The following ZRANB1 variants were observed in gnomAD, a reference collection of about 807,000 sequenced individuals.
The protein encoded by ZRANB1 is zinc finger RANBP2-type containing 1.
Under a neutral mutation model 80.5 loss-of-function variants are expected in ZRANB1, and 16 were observed. That is an observed-to-expected ratio of 0.20 (90% CI 0.13 to 0.30). ZRANB1 has a LOEUF of 0.30. Ranked by LOEUF, ZRANB1 falls within the 10% of genes least tolerant of loss-of-function variation. The probability of loss-of-function intolerance (pLI) is 1.00; values close to 1 mark genes in which losing one functional copy is unlikely to be tolerated. For synonymous variants in ZRANB1, 291 were observed against 293.1 expected (o/e 0.99, Z 0.07); for missense variants, 576 against 862.6 (o/e 0.67, Z 4.16).
At chr10:124,965,287 A>T (rs1951767579) in intron 1 of ZRANB1, among the ~76,000 whole-genome samples, 1 of 152,208 alleles carries the variant, frequency 6.6e-6, no homozygotes, top group African/African-American at 2.4e-5. Context: ...TTCTTAATAT[A>T]ATGGGTTTTC....
chr10:124,919,334 C>T, the ZRANB1 span, among the ~76,000 whole-genome samples: 1 of 152,068 alleles, frequency 6.6e-6, no homozygotes, highest in Non-Finnish European at 1.5e-5. Flanking sequence ...CGCCTGAGGT[C>T]AGTAGTTCGA....
the ZRANB1 span, among the ~76,000 whole-genome samples, chr10:124,924,555 C>T: frequency 3.1e-4 from 47 of 152,072 alleles, no homozygotes; most frequent in Non-Finnish European, 5.3e-4. Flanking sequence ...CTGGATATGT[C>T]GTAAATGGAA....
chr10:124,971,976 A>G lies in ZRANB1; in HGVS notation c.1014A>G (p.Gln338=). The change falls in exon 3 of 9, where the codon CAA becomes CAG. Residue 338 remains glutamine (Q), a synonymous_variant. Coordinates refer to ENST00000359653, the MANE Select transcript of ZRANB1 (RefSeq NM_017580.3). Reference sequence around the variant, plus strand: ...CTTTTGTATTTAAGGTGTCTCAACAAGCAGCAAAGTGTATTCCAGCAATGG... The same window carrying G: ...CTTTTGTATTTAAGGTGTCTCAACAGGCAGCAAAGTGTATTCCAGCAATGG... ...LAILLTEVSQ[Q]AAKCIPAMVC... is the part of the protein sequence containing the mutation. The G allele has an allele frequency of 1.3e-6, 2 of 1,596,266 alleles. No individual in the cohort carries two copies. The highest frequency in any genetic ancestry group is 1.2e-5 in the South Asian group (1 of 86,244).
At position 124,960,000 on chromosome 10, in the gene ZRANB1, T is replaced by G. The variant is rs183215635; in HGVS notation, c.815-6594T>G. Among the ~76,000 whole-genome samples the G allele has an allele frequency of 1.2e-4, 18 of 152,180 alleles. 1 individual carries two copies. On this transcript the variant is annotated intron_variant, in intron 1 of 8. Coordinates refer to ENST00000359653, the MANE Select transcript of ZRANB1 (RefSeq NM_017580.3). ...TGGAAGAATTGATACTGGGCTGAGA[T>G]GAGGAGGAGTTTAGAAAGCCAGATT...
intron 1 of ZRANB1, among the ~76,000 whole-genome samples, chr10:124,966,008 T>A (rs1951772836): frequency 6.6e-6 from 1 of 152,238 alleles, no homozygotes; most frequent in Admixed American, 6.5e-5. Context: ...TAATAATTCT[T>A]AATGGATATA....
At chr10:124,972,370 T>A (rs1352410182) in intron 3 of ZRANB1, among the ~76,000 whole-genome samples, 1 of 152,224 alleles carries the variant, frequency 6.6e-6, no homozygotes, top group Non-Finnish European at 1.5e-5. Context: ...GATTATTTTT[T>A]AAAAATCTGT....
At chr10:124,949,134 T>A (rs1951609193) in intron 1 of ZRANB1, among the ~76,000 whole-genome samples, 1 of 152,210 alleles carries the variant, frequency 6.6e-6, no homozygotes, top group Admixed American at 6.5e-5. Flanking sequence ...AGGTTTATGT[T>A]TAATTTCTCT....
intron 1 of ZRANB1, among the ~76,000 whole-genome samples, chr10:124,966,251 C>G (rs563000274): frequency 6.6e-6 from 1 of 151,920 alleles, no homozygotes; most frequent in Non-Finnish European, 1.5e-5. Flanking sequence ...AACGCAGGAC[C>G]GGAACCAGGG....
At chr10:124,950,225 A>G (rs780979368) in intron 1 of ZRANB1, among the ~76,000 whole-genome samples, 1 of 152,130 alleles carries the variant, frequency 6.6e-6, no homozygotes, top group Non-Finnish European at 1.5e-5. Flanking sequence ...CCTGGGCTCA[A>G]GCAATTCTCC....
Position 124,987,164 on chromosome 10 carries a change from A to G in ZRANB1, c.*2172A>G, listed in dbSNP as rs1041870726. 3 of 151,962 alleles carry G rather than the reference A, an allele frequency of 2.0e-5. No homozygotes were observed. Among genetic ancestry groups the G allele is most frequent in the African/African-American group, 7.3e-5 (3 of 41,110 alleles). 9.4% of individuals were successfully genotyped at this position (151,962 alleles called of 1,614,324 possible). A position where few individuals can be genotyped will look rare whatever the true frequency, so the allele number is the denominator to read the frequency against. Reference sequence around the variant, plus strand: ...CAATGCTATATTATGCTCTTGAACTATTAAAACAGCCATAATTATTGTCCC... The same window carrying G: ...CAATGCTATATTATGCTCTTGAACTGTTAAAACAGCCATAATTATTGTCCC... On this transcript the variant is annotated 3_prime_UTR_variant, in exon 9 of 9. Transcript: ENST00000359653.
intron 5 of ZRANB1, among the ~76,000 whole-genome samples, chr10:124,975,684 G>A (rs1589854185): frequency 6.6e-6 from 1 of 152,072 alleles, no homozygotes; most frequent in African/African-American, 2.4e-5. Flanking sequence ...TTACTTTCTT[G>A]AGAGCTAAAT....
chr10:124,985,091 A>T lies in ZRANB1; in HGVS notation c.*99A>T, dbSNP rs1952003610. 6 of 948,074 alleles carry T rather than the reference A, an allele frequency of 6.3e-6. No individual in the cohort carries two copies. Among genetic ancestry groups the T allele is most frequent in the Non-Finnish European group, 9.6e-6 (6 of 626,238 alleles). The allele number at this position is 948,074 out of a possible 1,614,324, so 58.7% of individuals were successfully genotyped here. On this transcript the variant is annotated 3_prime_UTR_variant, in exon 9 of 9. Transcript: ENST00000359653. ...CAGAGTCGACATCATGGAATGAACC[A>T]AATCTGGCAGGATCTGCTCGGGGAA... is the stretch of plus-strand genomic sequence containing the variant.
At chr10:124,929,740 G>A in the ZRANB1 span, among the ~76,000 whole-genome samples, 13 of 151,816 alleles carry the variant, frequency 8.6e-5, no homozygotes, top group African/African-American at 3.1e-4. Context: ...GAGGTCAGGA[G>A]TTCGAGACCA....
intron 3 of ZRANB1, among the ~76,000 whole-genome samples, chr10:124,973,192 G>A (rs941277363): frequency 2.6e-5 from 4 of 151,880 alleles, no homozygotes; most frequent in Non-Finnish European, 4.4e-5. Context: ...TTACTCTATC[G>A]CCTAGGCTGG....
chr10:124,943,247 C>T lies in ZRANB1; in HGVS notation c.754C>T (p.Leu252=), dbSNP rs1249824283. The T allele has an allele frequency of 1.2e-5, 20 of 1,614,004 alleles. No homozygotes were observed. Among genetic ancestry groups the T allele is most frequent in the Non-Finnish European group, 1.7e-5 (20 of 1,180,038 alleles). ...KEELEVDFKK[L]KQIKNRMKKT... Reference sequence around the variant, plus strand: ...GGAACTTGAAGTAGACTTTAAAAAACTAAAGCAAATTAAAAACAGGATGAA... The same window carrying T: ...GGAACTTGAAGTAGACTTTAAAAAATTAAAGCAAATTAAAAACAGGATGAA... The change falls in exon 1 of 9, where the codon CTA becomes TTA. Residue 252 remains leucine (L), a synonymous_variant. Coordinates refer to ENST00000359653, the MANE Select transcript of ZRANB1 (RefSeq NM_017580.3).
Position 124,983,338 on chromosome 10 carries a change from CT to C in ZRANB1, c.1678+37del, listed in dbSNP as rs1387713496. ...TTATTCAGGAACGTTTTACAAGTTT[CT>C]TTGAACGGAATGGCTCAGATGTCAG... On this transcript the variant is annotated intron_variant, in intron 7 of 8. Transcript: ENST00000359653. The surrounding 1 kb of genome is among the most constrained non-coding windows in gnomAD (Gnocchi z 6.2). 5.0e-6 allele frequency: 8 copies of C among 1,610,510 alleles called. No homozygotes were observed. The highest frequency in any genetic ancestry group is 6.8e-6 in the Non-Finnish European group (8 of 1,178,072).
chr10:124,938,641 C>T (rs115189870), upstream of ZRANB1, among the ~76,000 whole-genome samples: 1,011 of 152,152 alleles, frequency 6.6e-3, 8 homozygotes, highest in African/African-American at 0.023. Flanking sequence ...TTTTACCTTG[C>T]AGTTACTAAA....
chr10:124,947,586 T>G (rs1951595685), intron 1 of ZRANB1, among the ~76,000 whole-genome samples: 1 of 152,192 alleles, frequency 6.6e-6, no homozygotes, highest in Non-Finnish European at 1.5e-5. Context: ...TCAGCATCTT[T>G]CCTGGAGTGT....
At chr10:124,919,913 C>T in the ZRANB1 span, among the ~76,000 whole-genome samples, 318 of 119,162 alleles carry the variant, frequency 2.7e-3, 16 homozygotes, top group African/African-American at 0.011. Flanking sequence ...GCCCGGCCCC[C>T]CCCCCCCCTT....
Sources: gnomAD v4.1 joint callset for allele counts (sites outside exome capture counted in the v4.1 genomes callset) on GRCh38, gnomAD v4.1.1 for gene constraint, Gnocchi (gnomAD v3.1) non-coding constraint, MANE v1.5 for transcripts, NCBI Gene and HGNC (gene_info 2026-07-23, HGNC 2026-07-21) for gene names.